DMRT1: variants seen among roughly 807,000 people sequenced by gnomAD.
DMRT1 encodes doublesex and mab-3 related transcription factor 1, also known as doublesex- and mab-3-related transcription factor 1.
Under a neutral mutation model 32.3 loss-of-function variants are expected in DMRT1, and 7 were observed. The observed-to-expected ratio is 0.22, with a 90% CI of 0.12 to 0.41. The LOEUF is 0.41. Ranked by LOEUF, DMRT1 falls within the 10% of genes least tolerant of loss-of-function variation. The probability of loss-of-function intolerance (pLI) is 1.00; values close to 1 mark genes in which losing one functional copy is unlikely to be tolerated. For synonymous variants in DMRT1, 278 were observed against 206.1 expected, an observed-to-expected ratio of 1.35 and a Z score of -2.99; for missense variants, 625 against 500.5, an observed-to-expected ratio of 1.25 and a Z score of -2.37.
rs143491740 is a variant in DMRT1, at chr9:900,247, G to A, written c.822+6052G>A. ...GCCCCCTTGTGAGTGTTCCTGGCCCGGTGCTCCAGCACCTTCTGCCTGCTG... is the reference window on the plus strand; with the variant it reads ...GCCCCCTTGTGAGTGTTCCTGGCCCAGTGCTCCAGCACCTTCTGCCTGCTG... On this transcript the variant is annotated intron_variant, in intron 3 of 4. Coordinates refer to ENST00000382276, the MANE Select transcript of DMRT1 (RefSeq NM_021951.3). Among the ~76,000 whole-genome samples the A allele has an allele frequency of 5.9e-5, 9 of 152,300 alleles. No homozygotes were observed. In the East Asian group the frequency reaches 1.7e-3, roughly 29 times the overall value.
intron 3 of DMRT1, among the ~76,000 whole-genome samples, chr9:902,326 C>G (rs1035657517): frequency 6.6e-6 from 1 of 150,512 alleles, no homozygotes; most frequent in African/African-American, 2.5e-5. Flanking sequence ...CCTTCCTACA[C>G]CCCCTCCTCC....
chr9:859,864 A>G (rs1815576321), intron 2 of DMRT1, among the ~76,000 whole-genome samples: 1 of 134,588 alleles, frequency 7.4e-6, no homozygotes, highest in Non-Finnish European at 1.6e-5. Context: ...GTTTATTGGC[A>G]GTAAGGTTCT....
intron 3 of DMRT1, among the ~76,000 whole-genome samples, chr9:895,228 C>T (rs1817308613): frequency 6.6e-6 from 1 of 152,152 alleles, no homozygotes; most frequent in Non-Finnish European, 1.5e-5. Flanking sequence ...GTTCTGCTTC[C>T]TCAGTTGCAA....
intron 2 of DMRT1, 74 bp from the exon 3 acceptor site, chr9:893,838 G>C (rs1586578798): frequency 7.0e-7 from 1 of 1,433,122 alleles, no homozygotes; most frequent in Non-Finnish European, 9.7e-7. Context: ...GTCTTGGGTA[G>C]GAAGGTTTAG....
intron 1 of DMRT1, among the ~76,000 whole-genome samples, chr9:845,766 G>C (rs1838877104): frequency 8.5e-6 from 1 of 117,806 alleles, no homozygotes; most frequent in African/African-American, 2.7e-5. Context: ...GCTTTCCTAA[G>C]CAGACCCTGC....
intron 3 of DMRT1, among the ~76,000 whole-genome samples, chr9:895,548 G>A (rs1197723617): frequency 6.6e-6 from 1 of 151,990 alleles, no homozygotes; most frequent in African/African-American, 2.4e-5. Flanking sequence ...ACGTATCATG[G>A]GTAAAAAAAG....
chr9:843,139 C>T (rs1406622311), intron 1 of DMRT1, among the ~76,000 whole-genome samples: 1 of 152,170 alleles, frequency 6.6e-6, no homozygotes, highest in Admixed American at 6.5e-5. Context: ...ACTCTCCCTC[C>T]TTGCTGAGTT....
At chr9:845,870 G>A (rs141311209) in intron 1 of DMRT1, among the ~76,000 whole-genome samples, 34 of 152,112 alleles carry the variant, frequency 2.2e-4, no homozygotes, top group African/African-American at 6.7e-4. Flanking sequence ...ATTCTTCAAG[G>A]CTCTGTCCAA....
At chr9:929,343 G>C (rs575660866) in intron 4 of DMRT1, among the ~76,000 whole-genome samples, 3 of 152,120 alleles carry the variant, frequency 2.0e-5, no homozygotes, top group African/African-American at 7.2e-5. Context: ...TGTTGCCCAG[G>C]CTGGACTCGA....
intron 4 of DMRT1, among the ~76,000 whole-genome samples, chr9:938,184 G>C (rs182884004): frequency 2.6e-5 from 4 of 152,266 alleles, no homozygotes; most frequent in African/African-American, 9.6e-5. Flanking sequence ...AGCTTTTGTA[G>C]TGAGTTTTGA....
At chr9:930,479 T>G (rs1329448122) in intron 4 of DMRT1, among the ~76,000 whole-genome samples, 1 of 152,048 alleles carries the variant, frequency 6.6e-6, no homozygotes, top group African/African-American at 2.4e-5. Flanking sequence ...TGGTGCGATC[T>G]CGGCTCACTG....
At chr9:942,504 C>T (rs1819109448) in intron 4 of DMRT1, among the ~76,000 whole-genome samples, 1 of 152,190 alleles carries the variant, frequency 6.6e-6, no homozygotes, top group Non-Finnish European at 1.5e-5. Flanking sequence ...AACTCCTGAG[C>T]TCAAGTGATC....
intron 2 of DMRT1, among the ~76,000 whole-genome samples, chr9:886,262 G>T (rs1183451354): frequency 2.6e-5 from 4 of 152,088 alleles, no homozygotes; most frequent in Admixed American, 2.0e-4. Flanking sequence ...TTGTTTGTTT[G>T]TTTTTTATTT....
At chr9:930,059 C>T (rs537644462) in intron 4 of DMRT1, among the ~76,000 whole-genome samples, 1 of 152,274 alleles carries the variant, frequency 6.6e-6, no homozygotes, top group East Asian at 1.9e-4. Flanking sequence ...TTGAAGTCTT[C>T]CTCATAAACC....
chr9:847,931 C>A (rs1351111955), intron 2 of DMRT1, among the ~76,000 whole-genome samples: 2 of 152,212 alleles, frequency 1.3e-5, no homozygotes, highest in African/African-American at 4.8e-5. Context: ...CAGCTAAGGG[C>A]TATCATACTG....
At chr9:939,195 G>C (rs933930491) in intron 4 of DMRT1, among the ~76,000 whole-genome samples, 13 of 152,214 alleles carry the variant, frequency 8.5e-5, no homozygotes, top group African/African-American at 3.1e-4. Flanking sequence ...AGATAGTTCA[G>C]CTTCTTCCTT....
chr9:895,296 G>C (rs1817311662), intron 3 of DMRT1, among the ~76,000 whole-genome samples: 1 of 152,166 alleles, frequency 6.6e-6, no homozygotes, highest in Admixed American at 6.5e-5. Context: ...AGCATTCAGA[G>C]GCTAGATTAC....
chr9:921,582 A>G (rs1029206124), intron 4 of DMRT1, among the ~76,000 whole-genome samples: 4 of 152,188 alleles, frequency 2.6e-5, no homozygotes, highest in African/African-American at 9.7e-5. Context: ...TTTTCACAGC[A>G]GCTGCATCGT....
intron 3 of DMRT1, 144 bp from the exon 4 acceptor site, chr9:916,619 G>T (rs745711282): frequency 1.1e-5 from 11 of 961,972 alleles, no homozygotes; most frequent in Middle Eastern, 2.3e-4. Context: ...CGATCCTCCC[G>T]CCCTGGCCTC....
Sources: gnomAD v4.1 joint callset for allele counts (sites outside exome capture counted in the v4.1 genomes callset) on GRCh38, gnomAD v4.1.1 for gene constraint, MANE v1.5 for transcripts, NCBI Gene and HGNC (gene_info 2026-07-23, HGNC 2026-07-21) for gene names.